Variants in CDH13 observed in about 807,000 individuals in gnomAD.
CDH13 encodes cadherin 13.
Under a neutral mutation model 63.8 loss-of-function variants are expected in CDH13, and 24 were observed. The observed-to-expected ratio is 0.38, with a 90% confidence interval of 0.27 to 0.53. The LOEUF (loss-of-function observed/expected upper bound fraction) is 0.53, where lower values mean the gene tolerates loss of function less well. Among genes scored for constraint, CDH13 ranks in the 20% least tolerant of loss-of-function variants. The pLI, the probability that CDH13 is intolerant of heterozygous loss-of-function variation, is 0.85. For missense variants in CDH13, 1,049 were observed against 903.1 expected (o/e 1.16, Z -2.07); for synonymous variants, 503 against 355.3 (o/e 1.42, Z -4.67).
intron 8 of CDH13, among the ~76,000 whole-genome samples, chr16:83,659,437 A>C (rs954808707): frequency 1.3e-5 from 2 of 152,252 alleles, no homozygotes; most frequent in Non-Finnish European, 2.9e-5. Context: ...TCCCAACACA[A>C]GTTAGAATGT....
chr16:83,123,830 A>G (rs2035694229), intron 3 of CDH13, among the ~76,000 whole-genome samples: 1 of 152,162 alleles, frequency 6.6e-6, no homozygotes, highest in Non-Finnish European at 1.5e-5. Flanking sequence ...CCAACAGTAT[A>G]TAAGCATTCT....
intron 7 of CDH13, among the ~76,000 whole-genome samples, chr16:83,577,732 A>T (rs1310339172): frequency 6.6e-6 from 1 of 152,154 alleles, no homozygotes; most frequent in East Asian, 1.9e-4. Context: ...CCTCGAAATC[A>T]CGTAGATGCA....
At chr16:83,742,813 G>T (rs927249523) in intron 10 of CDH13, among the ~76,000 whole-genome samples, 1 of 152,216 alleles carries the variant, frequency 6.6e-6, no homozygotes, top group Non-Finnish European at 1.5e-5. Flanking sequence ...TCCTCTGTCT[G>T]CAGGTGTGTT....
chr16:82,751,771 G>A (rs1272125680), intron 1 of CDH13, among the ~76,000 whole-genome samples: 1 of 151,698 alleles, frequency 6.6e-6, no homozygotes, highest in Admixed American at 6.6e-5. Context: ...TTTGTACCTA[G>A]CTCTGCAAAT....
At chr16:83,553,407 G>T (rs1467838969) in intron 7 of CDH13, among the ~76,000 whole-genome samples, 1 of 152,160 alleles carries the variant, frequency 6.6e-6, no homozygotes, top group Non-Finnish European at 1.5e-5. Context: ...ACTAGTGGGT[G>T]TTTCTTGCTA....
At chr16:82,645,791 A>G (rs1172981819) in intron 1 of CDH13, among the ~76,000 whole-genome samples, 1 of 152,232 alleles carries the variant, frequency 6.6e-6, no homozygotes, top group African/African-American at 2.4e-5. Context: ...TTGGGTAAAT[A>G]CGCACTTCAA....
intron 6 of CDH13, among the ~76,000 whole-genome samples, chr16:83,475,492 ATTAACT>A (rs2073578146): frequency 6.6e-6 from 1 of 152,332 alleles, no homozygotes; most frequent in Admixed American, 6.5e-5. Flanking sequence ...TGAGTGAGAA[ATTAACT>A]TTATGTGCTA....
At chr16:82,807,296 G>T (rs1055359550) in intron 1 of CDH13, among the ~76,000 whole-genome samples, 36 of 152,098 alleles carry the variant, frequency 2.4e-4, no homozygotes, top group Admixed American at 2.2e-3. Context: ...AAGACAAAAA[G>T]GAGTTGAAAT....
intron 3 of CDH13, among the ~76,000 whole-genome samples, chr16:83,080,087 C>T (rs994814369): frequency 6.6e-6 from 1 of 152,162 alleles, no homozygotes; most frequent in African/African-American, 2.4e-5. Context: ...CGACAGCAAT[C>T]TTGTGGCCTG....
chr16:83,030,660 A>AAAAAAAAAAAAC (rs1567760882), intron 2 of CDH13, among the ~76,000 whole-genome samples: 1 of 150,936 alleles, frequency 6.6e-6, no homozygotes, highest in Non-Finnish European at 1.5e-5. Context: ...AAAAAAAAAA[A>AAAAAAAAAAAAC]AAAGCACCCT....
chr16:82,932,447 T>C (rs1404866219), intron 2 of CDH13, among the ~76,000 whole-genome samples: 1 of 152,154 alleles, frequency 6.6e-6, no homozygotes, highest in Non-Finnish European at 1.5e-5. Context: ...GCTGACCTAC[T>C]AGAGAAAAAT....
chr16:82,692,927 A>C (rs939087833), intron 1 of CDH13, among the ~76,000 whole-genome samples: 3 of 152,168 alleles, frequency 2.0e-5, no homozygotes, highest in African/African-American at 7.2e-5. Flanking sequence ...TAGCCAATAG[A>C]GTACCTCAAC....
At chr16:83,134,952 AGAACTTTATTGTTATTAT>A (rs1212175405) in intron 4 of CDH13, among the ~76,000 whole-genome samples, 1 of 152,190 alleles carries the variant, frequency 6.6e-6, no homozygotes, top group Non-Finnish European at 1.5e-5. Context: ...AAAGGTTCCT[AGAACTTTATTGTTATTAT>A]GAACATCTGG....
intron 1 of CDH13, among the ~76,000 whole-genome samples, chr16:82,857,512 C>A (rs1218174910): frequency 6.6e-6 from 1 of 152,102 alleles, no homozygotes; most frequent in Non-Finnish European, 1.5e-5. Context: ...TCACACCTTG[C>A]CCAGGAGAGA....
intron 2 of CDH13, among the ~76,000 whole-genome samples, chr16:82,866,551 G>C (rs528243481): frequency 2.0e-5 from 3 of 151,756 alleles, no homozygotes; most frequent in African/African-American, 7.2e-5. Context: ...ACCATGCCTG[G>C]CTAATTTTTT....
intron 7 of CDH13, among the ~76,000 whole-genome samples, chr16:83,510,611 C>T (rs774412807): frequency 2.0e-5 from 3 of 152,164 alleles, no homozygotes; most frequent in African/African-American, 4.8e-5. Flanking sequence ...CTGGAATCTA[C>T]CCCTGGACAG....
intron 10 of CDH13, among the ~76,000 whole-genome samples, chr16:83,727,184 T>C (rs7200564): frequency 0.062 from 9,461 of 152,040 alleles, 741 homozygotes; most frequent in East Asian, 0.18. Context: ...ACGTGCTTCC[T>C]TCTCCCCACT....
At chr16:83,269,562 T>C (rs1394237859) in intron 5 of CDH13, among the ~76,000 whole-genome samples, 1 of 152,130 alleles carries the variant, frequency 6.6e-6, no homozygotes, top group African/African-American at 2.4e-5. Context: ...AGAGAACAGA[T>C]TCCCACCCCA....
At chr16:82,855,111 A>T (rs1207743726) in intron 1 of CDH13, among the ~76,000 whole-genome samples, 2 of 152,186 alleles carry the variant, frequency 1.3e-5, no homozygotes, top group Non-Finnish European at 2.9e-5. Context: ...GTGTCCCAAG[A>T]ATTTGTAAAG....
Sources: gnomAD v4.1 joint callset for allele counts (sites outside exome capture counted in the v4.1 genomes callset) on GRCh38, gnomAD v4.1.1 for gene constraint, MANE v1.5 for transcripts, NCBI Gene and HGNC (gene_info 2026-07-23, HGNC 2026-07-21) for gene names.